Variants in EP400 observed in about 807,000 individuals in gnomAD.
The protein encoded by EP400 is E1A binding protein p400, also known as E1A-binding protein p400.
A neutral mutation model predicts 354.1 loss-of-function variants in EP400; 105 were observed. That is an observed-to-expected ratio of 0.30 (90% CI 0.25 to 0.35). EP400 has a LOEUF of 0.35. Among genes scored for constraint, EP400 ranks in the 10% least tolerant of loss-of-function variants. EP400 has a pLI of 1.00. For missense variants in EP400, 3,280 were observed against 4,121.0 expected, an observed-to-expected ratio of 0.80 and a Z score of 5.59; for synonymous variants, 1,646 against 1,716.9, an observed-to-expected ratio of 0.96 and a Z score of 1.02.
Position 132,050,473 on chromosome 12 carries a change from G to A in EP400, c.7337+14G>A, listed in dbSNP as rs1373372471. 4 of 1,613,982 alleles carry A rather than the reference G, an allele frequency of 2.5e-6. No individual in the cohort carries two copies. The highest frequency in any genetic ancestry group is 1.6e-4 in the Middle Eastern group (1 of 6,084). ...AATCAAACCTCTGTATGTTTCCTGAGTGCTCATTTTATGTTCATTATGACT... is the reference window on the plus strand; with the variant it reads ...AATCAAACCTCTGTATGTTTCCTGAATGCTCATTTTATGTTCATTATGACT... On this transcript the variant is annotated intron_variant, in intron 40 of 52. Transcript: ENST00000389561. The surrounding 1 kb of genome is among the most constrained non-coding windows in gnomAD (Gnocchi z 4.8).
At chr12:132,035,631 C>A (rs1260381162) in intron 30 of EP400, among the ~76,000 whole-genome samples, 1 of 150,274 alleles carries the variant, frequency 6.7e-6, no homozygotes, top group Non-Finnish European at 1.5e-5. Context: ...GAAGGGCACA[C>A]CCAGGTTCAC....
intron 47 of EP400, among the ~76,000 whole-genome samples, chr12:132,063,972 G>A (rs570357745): frequency 8.8e-5 from 13 of 148,014 alleles, no homozygotes; most frequent in African/African-American, 3.0e-4. Flanking sequence ...TGACCCCCCC[G>A]GCCCACAGCC....
In EP400 at chr12:132,050,816, G is replaced by C. The variant is rs1295885195; in HGVS notation, c.7394+161G>C. ...CCTGCAGGAGAGAGGTGCTTTTCCT[G>C]CCGTGGGCTAGGGTATGCATAGGAC... On this transcript the variant is annotated intron_variant, in intron 41 of 52. Coordinates refer to ENST00000389561, the MANE Select transcript of EP400 (RefSeq NM_015409.5). This position sits in a 1 kb window ranked among gnomAD's most constrained non-coding sequence, Gnocchi z 4.8. 5 of 835,766 alleles carry C rather than the reference G, an allele frequency of 6.0e-6. No homozygotes were observed. The allele number at this position is 835,766 out of a possible 1,614,324, so 51.8% of individuals were successfully genotyped here.
At chr12:131,982,595 C>A in intron 5 of EP400, 117 bp downstream of exon 5, 1 of 1,325,050 alleles carries the variant, frequency 7.5e-7, no homozygotes. Flanking sequence ...TAGCAGCTTG[C>A]TCCCCCAATT....
intron 25 of EP400, among the ~76,000 whole-genome samples, chr12:132,026,277 G>T (rs1450357117): frequency 6.6e-6 from 1 of 152,190 alleles, no homozygotes; most frequent in Non-Finnish European, 1.5e-5. Context: ...CTGTCATGAT[G>T]TGGTGTGTCC....
intron 5 of EP400, among the ~76,000 whole-genome samples, chr12:131,985,883 T>C (rs965777818): frequency 2.6e-5 from 4 of 152,196 alleles, no homozygotes; most frequent in Non-Finnish European, 5.9e-5. Flanking sequence ...GCTGGTATTA[T>C]AGGCGTGAGC....
intron 12 of EP400, among the ~76,000 whole-genome samples, chr12:131,999,321 A>G (rs933885117): frequency 3.3e-5 from 5 of 152,196 alleles, no homozygotes; most frequent in African/African-American, 9.6e-5. Flanking sequence ...CAGGATGACT[A>G]TGATGATACC....
intron 9 of EP400, 35 bp from the exon 10 acceptor site, chr12:131,991,372 G>T (rs755399460): frequency 5.6e-6 from 9 of 1,611,508 alleles, no homozygotes; most frequent in South Asian, 1.1e-5. Flanking sequence ...AGCATGGGGG[G>T]CCTTGGGAAC....
At chr12:131,979,566 C>G in intron 2 of EP400, 128 bp from the exon 3 acceptor site, 1 of 681,336 alleles carries the variant, frequency 1.5e-6, no homozygotes, top group Non-Finnish European at 2.4e-6. Context: ...TTTAAAGACA[C>G]GGGGTAGATA....
chr12:132,019,064 C>T (rs1014114818), intron 21 of EP400, among the ~76,000 whole-genome samples: 1 of 152,198 alleles, frequency 6.6e-6, no homozygotes, highest in Non-Finnish European at 1.5e-5. Flanking sequence ...GTCCCCTCAT[C>T]AGTACCAGAG....
intron 30 of EP400, among the ~76,000 whole-genome samples, chr12:132,032,911 G>A (rs1049696900): frequency 2.0e-5 from 3 of 152,078 alleles, no homozygotes; most frequent in Non-Finnish European, 2.9e-5. Context: ...TTACAGGCAT[G>A]AGCCACTGTG....
At chr12:132,076,898 C>A (rs1896254288) in intron 52 of EP400, among the ~76,000 whole-genome samples, 1 of 152,246 alleles carries the variant, frequency 6.6e-6, no homozygotes. Context: ...GCACAGGCCT[C>A]AGGCAAGCAG....
At position 131,949,961 on chromosome 12, in the gene EP400, T is replaced by G. The variant is rs1486954944; in HGVS notation, c.-111T>G. ...CGCTTCCTCCCGCCGGGGCCCCGGA[T>G]GCACTGAGCGGCTGCGGCGCGGCTT... On this transcript the variant is annotated 5_prime_UTR_variant, in exon 1 of 53. An upstream start codon of the reference 5' UTR is lost. Coordinates refer to ENST00000389561, the MANE Select transcript of EP400 (RefSeq NM_015409.5). 6.6e-6 allele frequency: 1 copy of G among 151,846 alleles called. No homozygotes were observed. The highest frequency in any genetic ancestry group is 1.5e-5 in the Non-Finnish European group (1 of 67,908). 9.4% of individuals were successfully genotyped at this position (151,846 alleles called of 1,614,324 possible). A position where few individuals can be genotyped will look rare whatever the true frequency, so the allele number is the denominator to read the frequency against.
chr12:131,994,000 C>G (rs1435570648), intron 11 of EP400, among the ~76,000 whole-genome samples: 1 of 152,194 alleles, frequency 6.6e-6, no homozygotes, highest in African/African-American at 2.4e-5. Context: ...AAATTCCACC[C>G]TGGAAACCAA....
chr12:132,021,497 G>A (rs913052752), intron 23 of EP400, among the ~76,000 whole-genome samples, 176 bp downstream of exon 23: 7 of 152,246 alleles, frequency 4.6e-5, no homozygotes, highest in African/African-American at 1.2e-4. Context: ...AGCAGGGAGC[G>A]CCTCTGTGGA....
intron 2 of EP400, among the ~76,000 whole-genome samples, chr12:131,975,083 A>G (rs1385612164): frequency 6.6e-6 from 1 of 151,984 alleles, no homozygotes; most frequent in African/African-American, 2.4e-5. Context: ...TCTGAAAACC[A>G]AGGCTGAGTG....
chr12:131,986,494 CT>C lies in EP400; in HGVS notation c.1930-18del. The C allele has an allele frequency of 6.3e-7, 1 of 1,574,982 alleles. No homozygotes were observed. Among genetic ancestry groups the C allele is most frequent in the Non-Finnish European group, 8.6e-7 (1 of 1,159,326 alleles). The stretch of plus-strand genomic sequence containing the variant: ...GACATCTTTTCTTCACCTTGCTCCA[CT>C]TGTGCCCTGCCCTTACAGATGGTAG... On this transcript the variant is annotated intron_variant, in intron 5 of 52. Transcript: ENST00000389561.
Position 132,067,743 on chromosome 12 carries a change from T to A in EP400, c.8874+257T>A, listed in dbSNP as rs116255880. ...AGGGGGTATAGTCTGTGAGGATGGC[T>A]GGGTGCCAGGTAAGAAGCCTGCATG... On this transcript the variant is annotated intron_variant, in intron 50 of 52. Transcript: ENST00000389561. The surrounding 1 kb of genome is among the most constrained non-coding windows in gnomAD (Gnocchi z 5.3). 0.014 allele frequency among the ~76,000 whole-genome samples: 2,095 copies of A among 147,282 alleles called. 55 individuals are homozygous for A. Among genetic ancestry groups the A allele is most frequent in the African/African-American group, 0.05 (1,986 of 39,518 alleles).
intron 45 of EP400, among the ~76,000 whole-genome samples, chr12:132,057,393 A>G (rs1353019995): frequency 6.6e-6 from 1 of 152,242 alleles, no homozygotes; most frequent in African/African-American, 2.4e-5. Flanking sequence ...TTTTGCAGCT[A>G]AGTGAACAGT....
Sources: allele counts gnomAD v4.1 joint callset (sites outside exome capture counted in the v4.1 genomes callset), GRCh38; gene constraint gnomAD v4.1.1; non-coding constraint Gnocchi (gnomAD v3.1); transcripts MANE v1.5; gene names NCBI Gene and HGNC (gene_info 2026-07-23, HGNC 2026-07-21).